The following GRM8 variants were observed in gnomAD, a reference collection of about 807,000 sequenced individuals.
GRM8 encodes metabotropic glutamate receptor 8.
In GRM8, 47 loss-of-function variants were observed where a neutral mutation model predicts 87.2. The ratio of observed to expected loss-of-function variants is 0.54; its 90% CI spans 0.43 to 0.69. The LOEUF (loss-of-function observed/expected upper bound fraction) is 0.69. Ranked by LOEUF, GRM8 falls within the 30% of genes least tolerant of loss-of-function variation. The pLI is 0.00. For synonymous variants in GRM8, 396 were observed against 404.5 expected (o/e 0.98, Z 0.25); for missense variants, 1,019 against 1,139.2 (o/e 0.89, Z 1.52).
At chr7:126,492,207 T>C (rs574750751) in intron 9 of GRM8, among the ~76,000 whole-genome samples, 9 of 152,066 alleles carry the variant, frequency 5.9e-5, no homozygotes, top group Non-Finnish European at 8.8e-5. Context: ...TGCACCACCA[T>C]GCCTGGATAA....
At chr7:126,803,827 C>T (rs1792365453) in intron 6 of GRM8, among the ~76,000 whole-genome samples, 1 of 152,194 alleles carries the variant, frequency 6.6e-6, no homozygotes, top group Non-Finnish European at 1.5e-5. Context: ...TGCTCTATAA[C>T]ATAGTGTTAA....
intron 2 of GRM8, among the ~76,000 whole-genome samples, chr7:127,175,925 G>C (rs536468139): frequency 6.6e-6 from 1 of 152,192 alleles, no homozygotes; most frequent in Admixed American, 6.5e-5. Context: ...AATACAGAAG[G>C]AATAAATGGA....
intron 6 of GRM8, among the ~76,000 whole-genome samples, chr7:126,777,687 A>G (rs898201560): frequency 5.3e-5 from 8 of 152,226 alleles, no homozygotes; most frequent in Non-Finnish European, 1.0e-4. Flanking sequence ...AATACTGACA[A>G]TAAGTATTAA....
At chr7:127,110,322 A>G (rs568198339) in intron 2 of GRM8, among the ~76,000 whole-genome samples, 13 of 152,044 alleles carry the variant, frequency 8.6e-5, no homozygotes, top group Admixed American at 6.5e-4. Context: ...TGGCTCCCCA[A>G]TCTCAGCCCT....
chr7:126,633,758 G>A (rs916329971), intron 7 of GRM8, among the ~76,000 whole-genome samples: 2 of 131,310 alleles, frequency 1.5e-5, no homozygotes, highest in African/African-American at 2.6e-5. Context: ...CATATAGAAT[G>A]TTCATATTAA....
At chr7:126,646,096 C>A (rs1435482543) in intron 7 of GRM8, among the ~76,000 whole-genome samples, 1 of 152,116 alleles carries the variant, frequency 6.6e-6, no homozygotes, top group Non-Finnish European at 1.5e-5. Flanking sequence ...GCCCAGGGGC[C>A]TCTATTCACA....
At chr7:127,043,031 C>T (rs1391016686) in intron 3 of GRM8, among the ~76,000 whole-genome samples, 1 of 152,186 alleles carries the variant, frequency 6.6e-6, no homozygotes, top group Non-Finnish European at 1.5e-5. Flanking sequence ...TCATCACTGG[C>T]CATCAGATAA....
At chr7:126,835,979 C>A (rs1795795873) in intron 6 of GRM8, among the ~76,000 whole-genome samples, 1 of 152,162 alleles carries the variant, frequency 6.6e-6, no homozygotes, top group African/African-American at 2.4e-5. Flanking sequence ...AGAGAAAAAG[C>A]TGACAATCAG....
At chr7:126,566,127 A>T (rs1794191325) in intron 8 of GRM8, among the ~76,000 whole-genome samples, 1 of 152,242 alleles carries the variant, frequency 6.6e-6, no homozygotes, top group African/African-American at 2.4e-5. Context: ...CATCTAGGCA[A>T]TGATTTGATG....
intron 6 of GRM8, among the ~76,000 whole-genome samples, chr7:126,836,955 A>G (rs1795869736): frequency 6.6e-6 from 1 of 152,084 alleles, no homozygotes; most frequent in African/African-American, 2.4e-5. Context: ...TCTGAGCTTT[A>G]TTTTCTTATC....
chr7:126,679,767 T>C (rs1807347237), intron 7 of GRM8, among the ~76,000 whole-genome samples: 1 of 152,136 alleles, frequency 6.6e-6, no homozygotes, highest in Non-Finnish European at 1.5e-5. Flanking sequence ...TGGTGGCTCA[T>C]GCTTGTAATC....
At chr7:126,976,438 C>CA (rs1240643661) in intron 3 of GRM8, among the ~76,000 whole-genome samples, 1 of 151,936 alleles carries the variant, frequency 6.6e-6, no homozygotes. Context: ...ACTAAAAATA[C>CA]AAAAAATTAG....
intron 9 of GRM8, among the ~76,000 whole-genome samples, chr7:126,475,033 A>C (rs10257411): frequency 1.3e-5 from 2 of 152,026 alleles, no homozygotes; most frequent in East Asian, 3.9e-4. Flanking sequence ...CATACTTCAC[A>C]GTGAAAAGCT....
rs1006691642 is a variant in GRM8 at position 126,615,883 on chromosome 7, T to C, written c.1358-6385A>G. The stretch of plus-strand genomic sequence containing the variant: ...CACCCAGATTCATAAAGCAAGTACT[T>C]AGAGACCTACAAAGAGACTTAGACT... On this transcript the variant is annotated intron_variant, in intron 7 of 10. Transcript: ENST00000339582. 1.2e-4 allele frequency among the ~76,000 whole-genome samples: 18 copies of C among 152,220 alleles called. No individual in the cohort carries two copies. The East Asian group carries it at 2.3e-3, about 20-fold the overall frequency.
chr7:126,932,769 G>A (rs1370266660), intron 3 of GRM8, among the ~76,000 whole-genome samples: 1 of 152,140 alleles, frequency 6.6e-6, no homozygotes, highest in Non-Finnish European at 1.5e-5. Context: ...TAGCCAGGCA[G>A]GGGTGAATAT....
chr7:127,110,736 A>C (rs2133118962), intron 2 of GRM8, among the ~76,000 whole-genome samples: 1 of 151,934 alleles, frequency 6.6e-6, no homozygotes, highest in African/African-American at 2.4e-5. Flanking sequence ...CTACCTCCCA[A>C]CTCCATTCTC....
chr7:126,862,604 G>T (rs1272202843), intron 6 of GRM8, among the ~76,000 whole-genome samples: 1 of 151,818 alleles, frequency 6.6e-6, no homozygotes, highest in Non-Finnish European at 1.5e-5. Flanking sequence ...GCATCCTTGT[G>T]GAAGAAAGCA....
At chr7:126,993,972 G>A (rs999008018) in intron 3 of GRM8, among the ~76,000 whole-genome samples, 1 of 152,154 alleles carries the variant, frequency 6.6e-6, no homozygotes, top group African/African-American at 2.4e-5. Context: ...CCAGTGGATT[G>A]GGGTGGCACA....
chr7:126,503,536 T>G (rs1463845133), intron 9 of GRM8, among the ~76,000 whole-genome samples: 1 of 152,104 alleles, frequency 6.6e-6, no homozygotes, highest in Non-Finnish European at 1.5e-5. Flanking sequence ...TGTTAGCAAA[T>G]CTGTTGTTAG....
Sources: allele counts gnomAD v4.1 joint callset (sites outside exome capture counted in the v4.1 genomes callset), GRCh38; gene constraint gnomAD v4.1.1; transcripts MANE v1.5; gene names NCBI Gene and HGNC (gene_info 2026-07-23, HGNC 2026-07-21).